The following FHIP1A variants were observed in gnomAD, a reference collection of about 807,000 sequenced individuals.
FHIP1A encodes FHF complex subunit HOOK interacting protein 1A, also known as FHF complex subunit HOOK-interacting protein 1A.
FHIP1A carries 61 observed loss-of-function variants against 88.6 expected under a neutral mutation model. That is an observed-to-expected ratio of 0.69 (90% CI 0.56 to 0.85). FHIP1A has a LOEUF of 0.85. Ranked by LOEUF, FHIP1A falls within the 40% of genes least tolerant of loss-of-function variation. FHIP1A has a pLI of 0.00. For missense variants in FHIP1A, 1,154 were observed against 1,273.5 expected (o/e 0.91, Z 1.43); for synonymous variants, 478 against 496.0 (o/e 0.96, Z 0.48).
intron 7 of FHIP1A, among the ~76,000 whole-genome samples, chr4:151,604,045 G>A (rs941151797): frequency 6.6e-6 from 1 of 152,098 alleles, no homozygotes; most frequent in Non-Finnish European, 1.5e-5. Context: ...CTGTGTCACA[G>A]CCCTGACTCC....
chr4:151,469,980 A>G (rs1360472124), intron 2 of FHIP1A, among the ~76,000 whole-genome samples: 2 of 152,334 alleles, frequency 1.3e-5, no homozygotes, highest in Middle Eastern at 3.4e-3. Context: ...TTGCTGTGGA[A>G]GAGTAGCAAA....
intron 1 of FHIP1A, among the ~76,000 whole-genome samples, chr4:151,413,189 C>T (rs762483063): frequency 7.2e-5 from 11 of 151,920 alleles, no homozygotes; most frequent in Non-Finnish European, 1.6e-4. Context: ...TGGGAAGTGG[C>T]GTAGGTGAAT....
chr4:151,519,112 A>G lies in FHIP1A; in HGVS notation c.-123+36464A>G, dbSNP rs375058648. Among the ~76,000 whole-genome samples the G allele has an allele frequency of 1.1e-4, 17 of 152,260 alleles. No individual in the cohort carries two copies. The South Asian group carries it at 2.3e-3, about 20-fold the overall frequency. On this transcript the variant is annotated intron_variant, in intron 3 of 13. Coordinates refer to ENST00000435205, the MANE Select transcript of FHIP1A (RefSeq NM_001109977.3). ...ATTTGTACTCAAATGAAATGCGTAC[A>G]TCTTAATTATATATTTGCTGAATTT... is the stretch of plus-strand genomic sequence containing the variant.
intron 3 of FHIP1A, among the ~76,000 whole-genome samples, chr4:151,495,270 A>G (rs1388801589): frequency 2.0e-5 from 3 of 152,154 alleles, no homozygotes; most frequent in Non-Finnish European, 4.4e-5. Flanking sequence ...TGGGAGGCCA[A>G]GGCGGGCAGT....
At chr4:151,648,670 A>G (rs1256939059) in intron 10 of FHIP1A, among the ~76,000 whole-genome samples, 1 of 151,722 alleles carries the variant, frequency 6.6e-6, no homozygotes, top group Admixed American at 6.6e-5. Context: ...AGAAAATAAT[A>G]TCTACCATAT....
chr4:151,449,908 G>T (rs986001887), intron 1 of FHIP1A, among the ~76,000 whole-genome samples: 1 of 152,084 alleles, frequency 6.6e-6, no homozygotes, highest in East Asian at 1.9e-4. Flanking sequence ...TTTCTGTGAT[G>T]ATTTTTTAAA....
chr4:151,444,386 T>C (rs1728517152), intron 1 of FHIP1A, among the ~76,000 whole-genome samples: 1 of 152,284 alleles, frequency 6.6e-6, no homozygotes, highest in Middle Eastern at 3.4e-3. Context: ...AGAATATACA[T>C]AAGTACATGT....
At chr4:151,412,807 C>T (rs1732719437) in intron 1 of FHIP1A, among the ~76,000 whole-genome samples, 1 of 151,192 alleles carries the variant, frequency 6.6e-6, no homozygotes, top group African/African-American at 2.4e-5. Context: ...GCCTCAGCCT[C>T]CCGAGTAGCT....
At chr4:151,435,475 A>C (rs1470053658) in intron 1 of FHIP1A, among the ~76,000 whole-genome samples, 1 of 152,180 alleles carries the variant, frequency 6.6e-6, no homozygotes, top group Non-Finnish European at 1.5e-5. Context: ...AAATTTTCCT[A>C]AACCTGCGTT....
At chr4:151,649,218 C>T (rs966031424) in intron 10 of FHIP1A, among the ~76,000 whole-genome samples, 8 of 152,202 alleles carry the variant, frequency 5.3e-5, no homozygotes, top group South Asian at 2.1e-4. Flanking sequence ...AGATTTCCAT[C>T]GGCTATAGCC....
intron 1 of FHIP1A, among the ~76,000 whole-genome samples, chr4:151,423,001 TGA>T (rs1484604733): frequency 2.6e-5 from 4 of 152,190 alleles, no homozygotes. Flanking sequence ...TTTCTAGCCG[TGA>T]GAGTGATCAA....
chr4:151,620,885 A>T (rs1421890371), intron 7 of FHIP1A, among the ~76,000 whole-genome samples: 3 of 151,488 alleles, frequency 2.0e-5, no homozygotes, highest in African/African-American at 7.3e-5. Flanking sequence ...GAATAAAAAA[A>T]AAAAACCCCA....
chr4:151,462,452 C>T (rs1449471948), intron 2 of FHIP1A, among the ~76,000 whole-genome samples: 1 of 152,114 alleles, frequency 6.6e-6, no homozygotes, highest in Non-Finnish European at 1.5e-5. Context: ...CATTCATTCT[C>T]TTGTGTAGGG....
intron 2 of FHIP1A, among the ~76,000 whole-genome samples, chr4:151,462,642 G>T (rs560631290): frequency 6.6e-6 from 1 of 152,254 alleles, no homozygotes; most frequent in East Asian, 1.9e-4. Context: ...TAATGCACCT[G>T]GCCAAAAGAA....
intron 10 of FHIP1A, among the ~76,000 whole-genome samples, chr4:151,649,223 A>G (rs1421846061): frequency 2.6e-5 from 4 of 152,198 alleles, no homozygotes; most frequent in Non-Finnish European, 2.9e-5. Context: ...TCCATCGGCT[A>G]TAGCCACTAT....
At chr4:151,489,986 A>G (rs984649655) in intron 3 of FHIP1A, among the ~76,000 whole-genome samples, 3 of 152,144 alleles carry the variant, frequency 2.0e-5, no homozygotes, top group African/African-American at 7.2e-5. Flanking sequence ...GGGCAAGGTT[A>G]TATCCCCCTT....
chr4:151,566,475 C>G, intron 4 of FHIP1A, 111 bp downstream of exon 4: 2 of 646,566 alleles, frequency 3.1e-6, no homozygotes, highest in Non-Finnish European at 2.7e-6. Flanking sequence ...GCTAGAAACA[C>G]AGGGAGGGAA....
intron 2 of FHIP1A, among the ~76,000 whole-genome samples, chr4:151,466,376 G>A (rs922312041): frequency 2.0e-5 from 3 of 152,116 alleles, no homozygotes; most frequent in Non-Finnish European, 4.4e-5. Context: ...TGGATAGGAA[G>A]AATCAATATC....
At chr4:151,518,375 A>C (rs183278681) in intron 3 of FHIP1A, among the ~76,000 whole-genome samples, 1 of 152,158 alleles carries the variant, frequency 6.6e-6, no homozygotes, top group Admixed American at 6.5e-5. Flanking sequence ...ACTCTATGAT[A>C]TTTTCACAAT....
Sources: gnomAD v4.1 joint callset for allele counts (sites outside exome capture counted in the v4.1 genomes callset) on GRCh38, gnomAD v4.1.1 for gene constraint, MANE v1.5 for transcripts, NCBI Gene and HGNC (gene_info 2026-07-23, HGNC 2026-07-21) for gene names.